Variants in DDX10 observed in about 807,000 individuals in gnomAD.
DDX10 encodes DEAD-box helicase 10, also known as probable ATP-dependent RNA helicase DDX10.
A neutral mutation model predicts 104.3 loss-of-function variants in DDX10; 74 were observed. The ratio of observed to expected loss-of-function variants is 0.71; its 90% CI spans 0.59 to 0.86. The LOEUF is 0.86. DDX10 is among the 40% of genes least tolerant of loss of function. DDX10 has a pLI of 0.00. For synonymous variants in DDX10, 351 were observed against 353.4 expected, an observed-to-expected ratio of 0.99 and a Z score of 0.08; for missense variants, 952 against 1,040.0, an observed-to-expected ratio of 0.92 and a Z score of 1.16.
chr11:108,828,983 A>G (rs1012666125), intron 13 of DDX10, among the ~76,000 whole-genome samples: 1 of 151,950 alleles, frequency 6.6e-6, no homozygotes, highest in African/African-American at 2.4e-5. Context: ...TTCTTTATCC[A>G]CTCATTGATT....
chr11:108,886,515 C>T (rs192309014), intron 16 of DDX10, among the ~76,000 whole-genome samples: 9 of 152,122 alleles, frequency 5.9e-5, no homozygotes, highest in Non-Finnish European at 1.3e-4. Context: ...GCCTCCTATA[C>T]CCCCTGGAAA....
chr11:108,862,110 C>G (rs1862949739), intron 16 of DDX10, among the ~76,000 whole-genome samples: 1 of 152,168 alleles, frequency 6.6e-6, no homozygotes, highest in South Asian at 2.1e-4. Flanking sequence ...CCTTGACCGC[C>G]TGAGCTCAAG....
intron 10 of DDX10, among the ~76,000 whole-genome samples, chr11:108,709,752 A>G (rs554282237): frequency 9.3e-5 from 14 of 150,558 alleles, no homozygotes; most frequent in Non-Finnish European, 1.8e-4. Context: ...TTTCCCCCCT[A>G]TTGATTTCCT....
intron 13 of DDX10, among the ~76,000 whole-genome samples, chr11:108,792,446 T>C (rs964039753): frequency 1.3e-4 from 20 of 152,210 alleles, no homozygotes; most frequent in South Asian, 2.1e-4. Flanking sequence ...ATGGCATGAG[T>C]GAAGTTTCAA....
In DDX10 at chr11:108,839,392, T is replaced by A. The variant is rs148352846; in HGVS notation, c.2085+827T>A. Among the ~76,000 whole-genome samples the A allele has an allele frequency of 5.1e-3, 780 of 152,342 alleles. 3 individuals carry two copies. The highest frequency in any genetic ancestry group is 8.8e-3 in the Non-Finnish European group (601 of 68,036). On this transcript the variant is annotated intron_variant, in intron 14 of 17. Coordinates refer to ENST00000322536, the MANE Select transcript of DDX10 (RefSeq NM_004398.4). The stretch of plus-strand genomic sequence containing the variant: ...GTGACTTCAGTCTATATTTGACTAT[T>A]GTCAGTTTCTTCCACTCCACTTCTT...
intron 16 of DDX10, among the ~76,000 whole-genome samples, chr11:108,897,419 C>T (rs1014146306): frequency 6.6e-6 from 1 of 152,090 alleles, no homozygotes; most frequent in South Asian, 2.1e-4. Context: ...CAAATGGGTA[C>T]CCAAAAAGTT....
intron 13 of DDX10, among the ~76,000 whole-genome samples, chr11:108,745,312 G>A (rs1176337444): frequency 6.7e-6 from 1 of 149,372 alleles, no homozygotes; most frequent in Non-Finnish European, 1.5e-5. Context: ...GAGTGCAGTG[G>A]CGAGATCATG....
intron 16 of DDX10, among the ~76,000 whole-genome samples, chr11:108,861,377 C>A (rs1273942236): frequency 6.6e-6 from 1 of 152,066 alleles, no homozygotes; most frequent in Non-Finnish European, 1.5e-5. Flanking sequence ...GTGTTTCTCA[C>A]AGCAGCACTA....
intron 16 of DDX10, among the ~76,000 whole-genome samples, chr11:108,897,229 G>A (rs1266370774): frequency 6.6e-6 from 1 of 152,138 alleles, no homozygotes; most frequent in African/African-American, 2.4e-5. Context: ...AGCAAAGTTT[G>A]ACTAGCTGCA....
At chr11:108,927,722 C>G (rs1863926446) in intron 17 of DDX10, among the ~76,000 whole-genome samples, 1 of 151,860 alleles carries the variant, frequency 6.6e-6, no homozygotes, top group African/African-American at 2.4e-5. Context: ...ACTGCAACCT[C>G]TGTCTCCCAG....
Position 108,790,968 on chromosome 11 carries a change from C to T in DDX10, c.1966-47478C>T, listed in dbSNP as rs186992305. On this transcript the variant is annotated intron_variant, in intron 13 of 17. Coordinates refer to ENST00000322536, the MANE Select transcript of DDX10 (RefSeq NM_004398.4). The stretch of plus-strand genomic sequence containing the variant: ...TGGTTGGTTGTCTTTACTAAGATAG[C>T]GAGAAAAATATTTCCCATCTCACAC... 5.9e-5 allele frequency among the ~76,000 whole-genome samples: 9 copies of T among 152,236 alleles called. No homozygotes were observed. The South Asian group carries it at 8.3e-4, about 14-fold the overall frequency.
Position 108,940,405 on chromosome 11 carries a change from G to C in DDX10, c.2610G>C (p.Leu870=), listed in dbSNP as rs1864093389. The C allele has an allele frequency of 6.2e-7, 1 of 1,613,568 alleles. No homozygotes were observed. The highest frequency in any genetic ancestry group is 1.3e-5 in the African/African-American group (1 of 74,982). ...LAEDEELVLH[L]LRSQS The stretch of plus-strand genomic sequence containing the variant: ...AGGATGAAGAGCTGGTGTTACATCT[G>C]CTAAGAAGTCAAAGCTAAATACTTC... Residue 870 remains leucine, a synonymous_variant, in exon 18 of 18, where the codon CTG becomes CTC. Coordinates refer to ENST00000322536, the MANE Select transcript of DDX10 (RefSeq NM_004398.4).
intron 15 of DDX10, among the ~76,000 whole-genome samples, chr11:108,847,535 T>C (rs947679143): frequency 2.0e-5 from 3 of 152,224 alleles, no homozygotes; most frequent in Non-Finnish European, 4.4e-5. Flanking sequence ...AGCATTACTC[T>C]AGGTTCCATT....
At chr11:108,823,167 A>G (rs1255745715) in intron 13 of DDX10, among the ~76,000 whole-genome samples, 1 of 152,148 alleles carries the variant, frequency 6.6e-6, no homozygotes, top group Non-Finnish European at 1.5e-5. Context: ...AGTTTTACAA[A>G]TGGTATGTAT....
intron 1 of DDX10, among the ~76,000 whole-genome samples, chr11:108,672,047 C>A (rs1263192219): frequency 8.3e-6 from 1 of 119,824 alleles, no homozygotes; most frequent in Admixed American, 1.2e-4. Flanking sequence ...GGCGACACAG[C>A]GAGACTCCAT....
Position 108,678,379 on chromosome 11 carries a change from T to G in DDX10, c.602T>G (p.Leu201Arg), listed in dbSNP as rs1346000860. 17 of 1,613,480 alleles carry G rather than the reference T, an allele frequency of 1.1e-5. No homozygotes were observed. The highest frequency in any genetic ancestry group is 1.4e-5 in the Non-Finnish European group (17 of 1,179,776). The stretch of plus-strand genomic sequence containing the variant: ...ATACTCGTGTGCACACCAGGTCGGC[T>G]TCTTCAACACATGGATGAAACAGTA... ...INILVCTPGR[L>R]LQHMDETVSF... The change falls in exon 5 of 18, where the codon CTT (leucine) becomes CGT (arginine). Residue 201 changes from leucine to arginine, a missense_variant. Around this residue, in one of 3 missense-constraint regions of DDX10, gnomAD observed 412 missense variants for 479.2 expected, o/e 0.86. Coordinates refer to ENST00000322536, the MANE Select transcript of DDX10 (RefSeq NM_004398.4).
intron 10 of DDX10, among the ~76,000 whole-genome samples, chr11:108,713,821 A>G (rs1230623982): frequency 1.3e-5 from 2 of 152,142 alleles, no homozygotes; most frequent in Admixed American, 6.5e-5. Flanking sequence ...GGGGGCTGTG[A>G]GGAAAGCATT....
intron 13 of DDX10, among the ~76,000 whole-genome samples, chr11:108,758,753 G>T (rs1242247077): frequency 6.6e-6 from 1 of 151,948 alleles, no homozygotes; most frequent in South Asian, 2.1e-4. Context: ...GGATCCTTTT[G>T]ACTTTTGATT....
intron 16 of DDX10, among the ~76,000 whole-genome samples, chr11:108,894,085 A>T (rs2553749): frequency 3.3e-5 from 5 of 151,898 alleles, no homozygotes; most frequent in African/African-American, 4.8e-5. Context: ...CACTGCACAA[A>T]TGAATTTTAT....
Sources: allele counts gnomAD v4.1 joint callset (sites outside exome capture counted in the v4.1 genomes callset), GRCh38; gene constraint gnomAD v4.1.1; regional missense constraint gnomAD v4.1.1; transcripts MANE v1.5; gene names NCBI Gene and HGNC (gene_info 2026-07-23, HGNC 2026-07-21).